The following KCNK10 variants were observed in gnomAD, a reference collection of about 807,000 sequenced individuals.
The protein encoded by KCNK10 is potassium two pore domain channel subfamily K member 10, also known as potassium channel subfamily K member 10.
In KCNK10, 25 loss-of-function variants were observed where a neutral mutation model predicts 47.7. That is an observed-to-expected ratio of 0.52 (90% confidence interval 0.38 to 0.73). The LOEUF (loss-of-function observed/expected upper bound fraction) is 0.73, where lower values mean the gene tolerates loss of function less well. KCNK10 is among the 30% of genes least tolerant of loss of function. The pLI is 0.00. For synonymous variants in KCNK10, 303 were observed against 285.6 expected, an observed-to-expected ratio of 1.06 and a Z score of -0.61; for missense variants, 563 against 714.5, an observed-to-expected ratio of 0.79 and a Z score of 2.42.
chr14:88,265,888 T>C (rs1032330480), intron 1 of KCNK10, among the ~76,000 whole-genome samples: 1 of 152,174 alleles, frequency 6.6e-6, no homozygotes, highest in Non-Finnish European at 1.5e-5. Flanking sequence ...TCCACCATGA[T>C]TGTGAGGCCT....
intron 1 of KCNK10, among the ~76,000 whole-genome samples, chr14:88,313,127 T>C (rs1566722322): frequency 6.6e-6 from 1 of 152,218 alleles, no homozygotes; most frequent in Non-Finnish European, 1.5e-5. Flanking sequence ...GCAAGTTACT[T>C]AAGCTCTATA....
intron 1 of KCNK10, among the ~76,000 whole-genome samples, chr14:88,270,236 G>A (rs2139761927): frequency 6.6e-6 from 1 of 152,320 alleles, no homozygotes; most frequent in East Asian, 1.9e-4. Flanking sequence ...AGGCCGCTGG[G>A]GAGGGAGGGT....
intron 1 of KCNK10, 24 bp from the exon 2 acceptor site, chr14:88,263,575 A>G: frequency 6.3e-7 from 1 of 1,586,068 alleles, no homozygotes; most frequent in South Asian, 1.1e-5. Flanking sequence ...GTGGGGGACA[A>G]AGAAGAAGAG....
chr14:88,287,239 C>G (rs1887781648), intron 1 of KCNK10, among the ~76,000 whole-genome samples: 2 of 152,200 alleles, frequency 1.3e-5, no homozygotes, highest in Non-Finnish European at 2.9e-5. Context: ...AAGCAGCTAG[C>G]ATAGTGTTTG....
At chr14:88,326,411 T>A, upstream of KCNK10, 1 of 1,612,340 alleles carries the variant, frequency 6.2e-7, no homozygotes, top group Non-Finnish European at 8.5e-7. Flanking sequence ...AAGCTGGACT[T>A]CACTTACCCA....
At chr14:88,238,487 A>G (rs1379871121) in intron 3 of KCNK10, among the ~76,000 whole-genome samples, 1 of 152,208 alleles carries the variant, frequency 6.6e-6, no homozygotes, top group Non-Finnish European at 1.5e-5. Context: ...CCTGGGTAAC[A>G]TAGTGAAACC....
intron 1 of KCNK10, among the ~76,000 whole-genome samples, chr14:88,320,305 G>A (rs905031713): frequency 4.6e-5 from 7 of 152,116 alleles, no homozygotes; most frequent in African/African-American, 1.7e-4. Context: ...TGTAACTGAA[G>A]GTGCTATTTG....
intron 1 of KCNK10, among the ~76,000 whole-genome samples, chr14:88,272,829 G>C (rs1412750297): frequency 1.3e-5 from 2 of 152,180 alleles, no homozygotes; most frequent in Non-Finnish European, 2.9e-5. Flanking sequence ...GGCAGCAGCA[G>C]AGGAGGAGTC....
At position 88,240,715 on chromosome 14, in the gene KCNK10, T is replaced by C. The variant is rs1177925236; in HGVS notation, c.508A>G (p.Ile170Val). 6.2e-7 allele frequency: 1 copy of C among 1,609,324 alleles called. No individual in the cohort carries two copies. The highest frequency in any genetic ancestry group is 1.3e-5 in the African/African-American group (1 of 74,902). ...AACAAACGGGTACCTATGGTCGTAA[T>C]GACAGTTCCAGCAAAGAAAAAGGCA... ...GSAFFFAGTV[I>V]TTIGYGNIAP... The change falls in exon 3 of 7, where the codon ATT (isoleucine) becomes GTT (valine). Residue 170 changes from isoleucine to valine, a missense_variant. Ile to Val is a conservative substitution (Grantham distance 29). Transcript: ENST00000319231.
At chr14:88,205,398 C>T (rs978746839) in intron 4 of KCNK10, among the ~76,000 whole-genome samples, 1 of 152,162 alleles carries the variant, frequency 6.6e-6, no homozygotes, top group African/African-American at 2.4e-5. Flanking sequence ...TTCCTTCACC[C>T]TTGCATGGTC....
In KCNK10 at chr14:88,258,532, G is replaced by A. The variant is rs537976739; in HGVS notation, c.402+4670C>T. Among the ~76,000 whole-genome samples, 92 of 152,196 alleles carry A rather than the reference G, an allele frequency of 6.0e-4. 1 individual carries two copies. The highest frequency in any genetic ancestry group is 5.0e-3 in the Admixed American group (77 of 15,292). ...TCTCAAACTCCTGACATCGTGATCC[G>A]CTTGACTCGGCCTCCCACAGTGGTG... On this transcript the variant is annotated intron_variant, in intron 2 of 6. Transcript: ENST00000319231.
chr14:88,281,344 T>A (rs1036534185), intron 1 of KCNK10, among the ~76,000 whole-genome samples: 1 of 152,214 alleles, frequency 6.6e-6, no homozygotes, highest in Admixed American at 6.5e-5. Context: ...CTTAGATATT[T>A]GGTCAAACAT....
intron 4 of KCNK10, among the ~76,000 whole-genome samples, chr14:88,203,346 T>C (rs1326761819): frequency 6.6e-6 from 1 of 152,244 alleles, no homozygotes. Flanking sequence ...AAAATTATTT[T>C]CATTTTTGTT....
chr14:88,257,231 G>T (rs1163401272), intron 2 of KCNK10, among the ~76,000 whole-genome samples: 1 of 152,022 alleles, frequency 6.6e-6, no homozygotes, highest in African/African-American at 2.4e-5. Context: ...TTGCTAAAAG[G>T]TTTTTTCAGC....
At chr14:88,206,838 T>C (rs540056646) in intron 4 of KCNK10, among the ~76,000 whole-genome samples, 1 of 152,364 alleles carries the variant, frequency 6.6e-6, no homozygotes, top group South Asian at 2.1e-4. Context: ...GTCTCTGAAA[T>C]TCATTTCAAT....
chr14:88,235,477 A>G (rs1886275116), intron 3 of KCNK10: 1 of 250,060 alleles, frequency 4.0e-6, no homozygotes, highest in African/African-American at 2.2e-5. Flanking sequence ...GCCAAAAAGT[A>G]GAAATTCAAG....
upstream of KCNK10, among the ~76,000 whole-genome samples, chr14:88,325,334 A>G (rs1327230609): frequency 6.6e-6 from 1 of 152,214 alleles, no homozygotes; most frequent in Non-Finnish European, 1.5e-5. Context: ...CAGCAGAGAA[A>G]GACACCCTCT....
At chr14:88,325,105 G>C (rs538561096), upstream of KCNK10, among the ~76,000 whole-genome samples, 164 of 152,250 alleles carry the variant, frequency 1.1e-3, no homozygotes, top group African/African-American at 3.8e-3. Context: ...CTAAGACATA[G>C]AAATCAAACA....
At chr14:88,199,985 CTTT>C (rs1288736807) in intron 4 of KCNK10, among the ~76,000 whole-genome samples, 1 of 151,204 alleles carries the variant, frequency 6.6e-6, no homozygotes, top group Admixed American at 6.6e-5. Context: ...TTCTTTCTTT[CTTT>C]TTCTTTCTTT....
Sources: allele counts gnomAD v4.1 joint callset (sites outside exome capture counted in the v4.1 genomes callset), GRCh38; gene constraint gnomAD v4.1.1; transcripts MANE v1.5; gene names NCBI Gene and HGNC (gene_info 2026-07-23, HGNC 2026-07-21).